Variants in AK8 observed in about 807,000 individuals in gnomAD.
The protein encoded by AK8 is ATP-AMP transphosphorylase 8.
Under a neutral mutation model 54.6 loss-of-function variants are expected in AK8, and 44 were observed. The observed-to-expected ratio is 0.81, with a 90% CI of 0.63 to 1.04. The LOEUF (loss-of-function observed/expected upper bound fraction) is 1.04, where lower values mean the gene tolerates loss of function less well. Ranked by LOEUF, AK8 falls within the 50% of genes least tolerant of loss-of-function variation. AK8 has a pLI of 0.00. For synonymous variants in AK8, 239 were observed against 245.6 expected, an observed-to-expected ratio of 0.97 and a Z score of 0.25; for missense variants, 555 against 613.6, an observed-to-expected ratio of 0.90 and a Z score of 1.01.
At chr9:132,854,138 C>T (rs1843080796) in intron 5 of AK8, among the ~76,000 whole-genome samples, 1 of 152,114 alleles carries the variant, frequency 6.6e-6, no homozygotes, top group Admixed American at 6.5e-5. Flanking sequence ...GAAGTTGAGG[C>T]TAAGTGAGCT....
intron 2 of AK8, among the ~76,000 whole-genome samples, chr9:132,868,832 C>T (rs1438153676): frequency 6.6e-6 from 1 of 152,156 alleles, no homozygotes; most frequent in Non-Finnish European, 1.5e-5. Context: ...TTACAGAGGG[C>T]CCCCTCTGCC....
chr9:132,873,259 G>A (rs1227076303), intron 2 of AK8, among the ~76,000 whole-genome samples: 6 of 152,196 alleles, frequency 3.9e-5, no homozygotes, highest in Admixed American at 2.6e-4. Flanking sequence ...GATGCATCAG[G>A]GATTTCCCAT....
intron 2 of AK8, among the ~76,000 whole-genome samples, chr9:132,874,170 C>T (rs983861566): frequency 2.0e-5 from 3 of 152,336 alleles, no homozygotes; most frequent in African/African-American, 7.2e-5. Context: ...TTTGTGGGGT[C>T]TCTCTCTGTA....
At chr9:132,842,115 A>G (rs1055673760) in intron 5 of AK8, among the ~76,000 whole-genome samples, 3 of 152,228 alleles carry the variant, frequency 2.0e-5, no homozygotes, top group African/African-American at 7.2e-5. Context: ...CACACTGGCC[A>G]AAACAATCTC....
intron 11 of AK8, among the ~76,000 whole-genome samples, chr9:132,777,562 T>G (rs7864560): frequency 0.64 from 97,686 of 152,106 alleles, 31,617 homozygotes; most frequent in East Asian, 0.81. Flanking sequence ...CAGAGTATTT[T>G]CCAATTCATC....
At chr9:132,784,320 A>G (rs1588127051) in intron 11 of AK8, among the ~76,000 whole-genome samples, 1 of 152,178 alleles carries the variant, frequency 6.6e-6, no homozygotes, top group Non-Finnish European at 1.5e-5. Flanking sequence ...GGAGTTCAAG[A>G]CCAGCCTGGC....
chr9:132,860,909 C>G lies in AK8; in HGVS notation c.333+2756G>C, dbSNP rs1843360562. On this transcript the variant is annotated intron_variant, in intron 4 of 12. Transcript: ENST00000298545. This position sits in a 1 kb window ranked among gnomAD's most constrained non-coding sequence, Gnocchi z 4.4. ...CACTGAATATTCAATCTCAGTAGATCTGGACTAAAACACCCATGGGGAAGG... is the reference window on the plus strand; with the variant it reads ...CACTGAATATTCAATCTCAGTAGATGTGGACTAAAACACCCATGGGGAAGG... 1.3e-5 allele frequency among the ~76,000 whole-genome samples: 2 copies of G among 152,146 alleles called. No homozygotes were observed. The highest frequency in any genetic ancestry group is 6.5e-5 in the Admixed American group (1 of 15,280).
chr9:132,824,528 C>T (rs1463937782), intron 8 of AK8, among the ~76,000 whole-genome samples: 6 of 152,166 alleles, frequency 3.9e-5, no homozygotes, highest in South Asian at 2.1e-4. Flanking sequence ...TTCTTTGTTG[C>T]GGGGCTATTC....
At chr9:132,743,359 G>T (rs564845434) in intron 11 of AK8, among the ~76,000 whole-genome samples, 1 of 152,366 alleles carries the variant, frequency 6.6e-6, no homozygotes, top group South Asian at 2.1e-4. Flanking sequence ...TGGAAACAGG[G>T]CAGTGGAGAC....
At chr9:132,732,881 G>C (rs922681051) in intron 11 of AK8, among the ~76,000 whole-genome samples, 49 of 152,234 alleles carry the variant, frequency 3.2e-4, no homozygotes, top group African/African-American at 1.2e-3. Context: ...AGTTTTTCCA[G>C]TGCCACTTGC....
chr9:132,754,212 T>TC (rs1334631270), intron 11 of AK8, among the ~76,000 whole-genome samples: 2 of 152,146 alleles, frequency 1.3e-5, no homozygotes, highest in Non-Finnish European at 2.9e-5. Context: ...CAGATGATAC[T>TC]CTTTGATGTT....
intron 11 of AK8, among the ~76,000 whole-genome samples, chr9:132,766,180 T>C (rs1165324452): frequency 6.6e-6 from 1 of 152,238 alleles, no homozygotes; most frequent in Non-Finnish European, 1.5e-5. Context: ...GGTGTGATCA[T>C]GGCAAACTGC....
chr9:132,842,148 T>C (rs967183653), intron 5 of AK8, among the ~76,000 whole-genome samples: 1 of 152,214 alleles, frequency 6.6e-6, no homozygotes, highest in Non-Finnish European at 1.5e-5. Context: ...TGAAGACAAG[T>C]ATGTTCCTAG....
intron 11 of AK8, among the ~76,000 whole-genome samples, chr9:132,758,729 G>T (rs1267659944): frequency 6.6e-6 from 1 of 152,000 alleles, no homozygotes; most frequent in Non-Finnish European, 1.5e-5. Context: ...AAAGTGTGGG[G>T]ATTACAGGCA....
rs1841933489 is a variant in AK8, at chr9:132,827,728, T to C, written c.556+285A>G. ...AGAGGCAGACATGTCCCCTGGCTCC[T>C]GTGTGGGCCCCAAGCCCAGGTGCCT... On this transcript the variant is annotated intron_variant, in intron 7 of 12. Transcript: ENST00000298545. 9.0e-6 allele frequency: 4 copies of C among 443,814 alleles called. No individual in the cohort carries two copies. In the Admixed American group the frequency reaches 1.5e-4, roughly 17 times the overall value. The allele number at this position is 443,814 out of a possible 1,614,324, so 27.5% of individuals were successfully genotyped here.
chr9:132,799,612 C>T lies in AK8; in HGVS notation c.980-6837G>A, dbSNP rs1342594466. Among the ~76,000 whole-genome samples the T allele has an allele frequency of 6.6e-6, 1 of 152,014 alleles. No individual in the cohort carries two copies. Among genetic ancestry groups the T allele is most frequent in the Non-Finnish European group, 1.5e-5 (1 of 67,974 alleles). ...TCAGCTACAAACACACACACACACA[C>T]ACCACACACCCCCACACCCCTACAC... On this transcript the variant is annotated intron_variant, in intron 10 of 12. Transcript: ENST00000298545. This position sits in a 1 kb window ranked among gnomAD's most constrained non-coding sequence, Gnocchi z 5.0.
chr9:132,867,995 C>T (rs891632682), intron 2 of AK8, among the ~76,000 whole-genome samples: 1 of 152,174 alleles, frequency 6.6e-6, no homozygotes, highest in East Asian at 1.9e-4. Flanking sequence ...CAGATGCATC[C>T]ACACTGCCTG....
chr9:132,878,218 T>C lies in AK8; in HGVS notation c.38A>G (p.Glu13Gly), dbSNP rs553549405. The change falls in exon 1 of 13, where the codon GAG becomes GGG. Residue 13 changes from glutamate to glycine, a missense_variant. Transcript: ENST00000298545. The surrounding 1 kb of genome is among the most constrained non-coding windows in gnomAD (Gnocchi z 4.7). ...GTTCTCCTCCCCGTACTGGGGCATCTCGGGGGGGATACGGTGCGGGGCGAT... is the reference window on the plus strand; with the variant it reads ...GTTCTCCTCCCCGTACTGGGGCATCCCGGGGGGGATACGGTGCGGGGCGAT... ...ATIAPHRIPP[E>G]MPQYGEENHI... 9 of 1,453,968 alleles carry C rather than the reference T, an allele frequency of 6.2e-6. No individual in the cohort carries two copies. Among genetic ancestry groups the C allele is most frequent in the African/African-American group, 1.5e-5 (1 of 67,946 alleles). 90.1% of individuals were successfully genotyped at this position (1,453,968 alleles called of 1,614,324 possible). A position where few individuals can be genotyped will look rare whatever the true frequency, so the allele number is the denominator to read the frequency against.
intron 5 of AK8, among the ~76,000 whole-genome samples, chr9:132,829,777 A>G (rs1188257777): frequency 6.6e-6 from 1 of 151,968 alleles, no homozygotes; most frequent in African/African-American, 2.4e-5. Flanking sequence ...GCTGGTCTTG[A>G]ACTCCTGGGC....
Sources: allele counts gnomAD v4.1 joint callset (sites outside exome capture counted in the v4.1 genomes callset), GRCh38; gene constraint gnomAD v4.1.1; non-coding constraint Gnocchi (gnomAD v3.1); transcripts MANE v1.5; gene names NCBI Gene and HGNC (gene_info 2026-07-23, HGNC 2026-07-21).